Variants in RMI1 observed in about 807,000 individuals in gnomAD.
RMI1 encodes recQ-mediated genome instability protein 1.
RMI1 carries 36 observed loss-of-function variants against 46.7 expected under a neutral mutation model. The observed-to-expected ratio is 0.77, with a 90% confidence interval of 0.59 to 1.02. The LOEUF is 1.02. Among genes scored for constraint, RMI1 ranks in the 50% least tolerant of loss-of-function variants. The probability of loss-of-function intolerance (pLI) is 0.00; values close to 1 mark genes in which losing one functional copy is unlikely to be tolerated. For synonymous variants in RMI1, 250 were observed against 252.9 expected (o/e 0.99, Z 0.11); for missense variants, 676 against 713.7 (o/e 0.95, Z 0.60).
At chr9:83,983,140 G>T (rs1348975598) in intron 1 of RMI1, among the ~76,000 whole-genome samples, 1 of 152,190 alleles carries the variant, frequency 6.6e-6, no homozygotes, top group Non-Finnish European at 1.5e-5. Flanking sequence ...TATTTCCTGA[G>T]TTCCCCACTG....
At chr9:83,995,822 C>CTA (rs1281767818) in intron 1 of RMI1, among the ~76,000 whole-genome samples, 1 of 152,128 alleles carries the variant, frequency 6.6e-6, no homozygotes, top group Non-Finnish European at 1.5e-5. Context: ...TTTATCCCAT[C>CTA]TATTGATTTT....
chr9:83,982,498 CT>C (rs1476343381), intron 1 of RMI1, among the ~76,000 whole-genome samples: 1 of 151,166 alleles, frequency 6.6e-6, no homozygotes, highest in Non-Finnish European at 1.5e-5. Context: ...CCCGTCTCTA[CT>C]AAAAAGACAA....
In RMI1 at chr9:84,001,645, T is replaced by C; in HGVS notation, c.659T>C (p.Val220Ala). Residue 220 changes from valine to alanine, a missense_variant, in exon 3 of 3, where the codon GTC (valine) becomes GCC (alanine). Physicochemically the swap from Val to Ala is moderately conservative, Grantham distance 64 (BLOSUM62 0). Coordinates refer to ENST00000445877, the MANE Select transcript of RMI1 (RefSeq NM_001358291.2). The stretch of plus-strand genomic sequence containing the variant: ...GGGGAACCTGATCTTGTAGTTTCAG[T>C]CATACCAAACAATTCTAACGAAAAC... ...LIGEPDLVVS[V>A]IPNNSNENIP... 6.2e-7 allele frequency: 1 copy of C among 1,614,044 alleles called. No homozygotes were observed. Among genetic ancestry groups the C allele is most frequent in the Non-Finnish European group, 8.5e-7 (1 of 1,179,990 alleles).
rs1564087313 is a variant in RMI1 at position 84,002,826 on chromosome 9, G to GAAC, written c.1842_1844dup (p.Glu614_His615insGln). 3.8e-6 allele frequency: 6 copies of GAAC among 1,578,204 alleles called. No homozygotes were observed. The highest frequency in any genetic ancestry group is 5.2e-6 in the Non-Finnish European group (6 of 1,154,428). ...ACTGGCATTACAAGATGTTAATATG[G>GAAC]AACACCTTGAGAATCTAAAGAAGCG... On this transcript the variant is annotated inframe_insertion, in exon 3 of 3. Transcript: ENST00000445877.
intron 1 of RMI1, among the ~76,000 whole-genome samples, chr9:83,981,686 C>A (rs1957401833): frequency 1.3e-5 from 2 of 152,248 alleles, no homozygotes; most frequent in Non-Finnish European, 2.9e-5. Flanking sequence ...GTGTCATAAT[C>A]TGCACATAAA....
At position 84,001,364 on chromosome 9, in the gene RMI1, T is replaced by G; in HGVS notation, c.378T>G (p.Pro126=). Residue 126 remains proline, a synonymous_variant, in exon 3 of 3, where the codon CCT becomes CCG. Transcript: ENST00000445877. ...CTGAAGCACAAGTAACCCCAAAACC[T>G]TGGGAAGCAAAGCCTTCACGAATGT... ...VTAEAQVTPK[P]WEAKPSRMLM... 1 of 1,614,084 alleles carries G rather than the reference T, an allele frequency of 6.2e-7. No individual in the cohort carries two copies. The highest frequency in any genetic ancestry group is 8.5e-7 in the Non-Finnish European group (1 of 1,179,986).
intron 1 of RMI1, among the ~76,000 whole-genome samples, chr9:83,989,740 T>C (rs1957541735): frequency 6.6e-6 from 1 of 152,088 alleles, no homozygotes. Context: ...AGGACAGTTT[T>C]ATTGGGAATA....
At chr9:83,990,799 CTTTTT>C (rs1021845695) in intron 1 of RMI1, among the ~76,000 whole-genome samples, 33 of 151,760 alleles carry the variant, frequency 2.2e-4, no homozygotes, top group African/African-American at 7.3e-4. Flanking sequence ...TTCTTTCTTT[CTTTTT>C]ATTTATTTAT....
intron 1 of RMI1, among the ~76,000 whole-genome samples, chr9:83,987,592 CCAT>C (rs1288201506): frequency 6.6e-6 from 1 of 152,116 alleles, no homozygotes; most frequent in African/African-American, 2.4e-5. Context: ...CCAACCACCA[CCAT>C]CGTCATGTTA....
chr9:83,988,853 A>G (rs1490510607), intron 1 of RMI1, among the ~76,000 whole-genome samples: 2 of 151,434 alleles, frequency 1.3e-5, no homozygotes, highest in East Asian at 3.9e-4. Context: ...TTTTTCTTTT[A>G]GCCTTCTGTT....
At chr9:84,000,745 A>G (rs1272043675) in intron 2 of RMI1, among the ~76,000 whole-genome samples, 1 of 152,196 alleles carries the variant, frequency 6.6e-6, no homozygotes. Flanking sequence ...TGACAGAGCC[A>G]GCTTTCAAAC....
chr9:83,986,493 TC>T (rs1167062082), intron 1 of RMI1, among the ~76,000 whole-genome samples: 3 of 152,212 alleles, frequency 2.0e-5, no homozygotes, highest in Non-Finnish European at 4.4e-5. Context: ...GAATTTATGT[TC>T]TAGTTCTGGG....
chr9:83,993,675 C>G (rs150222625), intron 1 of RMI1, among the ~76,000 whole-genome samples: 2 of 152,114 alleles, frequency 1.3e-5, no homozygotes, highest in Non-Finnish European at 2.9e-5. Flanking sequence ...ATTGGCACTT[C>G]TAACAGGTAT....
At chr9:83,980,685 C>T (rs192574851), upstream of RMI1, 1 of 152,410 alleles carries the variant, frequency 6.6e-6, no homozygotes, top group Admixed American at 6.5e-5. Flanking sequence ...TAACAACTGC[C>T]TAGTTCACGC....
chr9:84,000,520 G>A (rs571132953), intron 2 of RMI1, among the ~76,000 whole-genome samples: 3 of 152,194 alleles, frequency 2.0e-5, no homozygotes, highest in African/African-American at 7.2e-5. Context: ...GACATCCACT[G>A]GGGGTATTGG....
At chr9:83,984,603 C>A (rs1957464218) in intron 1 of RMI1, among the ~76,000 whole-genome samples, 1 of 151,392 alleles carries the variant, frequency 6.6e-6, no homozygotes, top group South Asian at 2.1e-4. Context: ...TTCTTGTTGC[C>A]CAGGCTGTAG....
In RMI1 at chr9:83,994,999, T is replaced by A. The variant is rs117355062; in HGVS notation, c.-125-4710T>A. 1.2e-3 allele frequency among the ~76,000 whole-genome samples: 182 copies of A among 152,198 alleles called. 1 individual carries two copies. The highest frequency in any genetic ancestry group is 2.2e-3 in the Non-Finnish European group (149 of 68,004). ...TAATATCTTGGAAAAATTTCAACCA[T>A]TATTTATTTATTTATTTTGAGATGA... On this transcript the variant is annotated intron_variant, in intron 1 of 2. Transcript: ENST00000445877.
chr9:83,980,626 T>G (rs936626118), upstream of RMI1: 1 of 152,938 alleles, frequency 6.5e-6, no homozygotes, highest in African/African-American at 2.4e-5. Flanking sequence ...GTTCGCGCAC[T>G]CACTAGCTGG....
intron 1 of RMI1, among the ~76,000 whole-genome samples, chr9:83,991,359 A>T (rs1373808401): frequency 6.6e-6 from 1 of 150,426 alleles, no homozygotes; most frequent in Non-Finnish European, 1.5e-5. Context: ...CTTTGTGTCC[A>T]GGGTAGGGTG....
Sources: gnomAD v4.1 joint callset for allele counts (sites outside exome capture counted in the v4.1 genomes callset) on GRCh38, gnomAD v4.1.1 for gene constraint, MANE v1.5 for transcripts, NCBI Gene and HGNC (gene_info 2026-07-23, HGNC 2026-07-21) for gene names.